Variants in SLC22A13 observed in about 807,000 individuals in gnomAD.
SLC22A13 encodes solute carrier family 22 member 13.
SLC22A13 carries 42 observed loss-of-function variants against 49.1 expected under a neutral mutation model. That is an observed-to-expected ratio of 0.85 (90% CI 0.67 to 1.11). The LOEUF is 1.11. Ranked by LOEUF, SLC22A13 falls within the 50% of genes least tolerant of loss-of-function variation. SLC22A13 has a pLI of 0.00. For synonymous variants in SLC22A13, 282 were observed against 293.1 expected (o/e 0.96, Z 0.39); for missense variants, 694 against 712.8 (o/e 0.97, Z 0.30).
At chr3:38,270,727 A>G (rs1323966286) in intron 1 of SLC22A13, 1 of 168,206 alleles carries the variant, frequency 5.9e-6, no homozygotes, top group Non-Finnish European at 1.3e-5. Context: ...TGTTTTACCA[A>G]TGGCATCATT....
Position 38,276,304 on chromosome 3 carries a change from A to T in SLC22A13, c.1255A>T (p.Thr419Ser). 6.2e-7 allele frequency: 1 copy of T among 1,613,276 alleles called. No homozygotes were observed. Among genetic ancestry groups the T allele is most frequent in the Non-Finnish European group, 8.5e-7 (1 of 1,179,546 alleles). Residue 419 changes from threonine to serine, a missense_variant, in exon 8 of 10, where the codon ACC (threonine) becomes TCC (serine). Thr to Ser is a moderately conservative substitution (Grantham distance 58, BLOSUM62 1). Coordinates refer to ENST00000311856, the MANE Select transcript of SLC22A13 (RefSeq NM_004256.4). ...FIPADLPVVV[T>S]MLAVVGKMAT... ...TCTGCCAGATCTGCCCGTGGTGGTC[A>T]CCATGCTGGCTGTGGTGGGGAAGAT...
Position 38,276,835 on chromosome 3 carries a change from C to G in SLC22A13, c.1347-77C>G, listed in dbSNP as rs552295721. On this transcript the variant is annotated intron_variant, in intron 8 of 9. Transcript: ENST00000311856. ...CAGACCTTTGAGGTCTGGACTCTCC[C>G]GAGGAAATATACTAGGGTGAAGCTG... 222 of 1,324,462 alleles carry G rather than the reference C, an allele frequency of 1.7e-4. No homozygotes were observed. In the African/African-American group the frequency reaches 3.0e-3, roughly 18 times the overall value. The allele number at this position is 1,324,462 out of a possible 1,614,324, so 82.0% of individuals were successfully genotyped here. A position where few individuals can be genotyped will look rare whatever the true frequency, so the allele number is the denominator to read the frequency against.
chr3:38,272,909 G>A (rs1020612569), intron 1 of SLC22A13, among the ~76,000 whole-genome samples: 1 of 152,176 alleles, frequency 6.6e-6, no homozygotes, highest in Non-Finnish European at 1.5e-5. Context: ...TAGGGCAAGA[G>A]AGATGTCTCA....
rs766603165 is a variant in SLC22A13, at chr3:38,276,320, T to G, written c.1271T>G (p.Val424Gly). The G allele has an allele frequency of 1.9e-6, 3 of 1,613,542 alleles. No homozygotes were observed. The highest frequency in any genetic ancestry group is 2.7e-5 in the African/African-American group (2 of 74,898). The change falls in exon 8 of 10, where the codon GTG (valine) becomes GGG (glycine). Residue 424 changes from valine to glycine, a missense_variant. By Grantham distance (109) the Val-to-Gly change is moderately radical. Coordinates refer to ENST00000311856, the MANE Select transcript of SLC22A13 (RefSeq NM_004256.4). ...GTGGTGGTCACCATGCTGGCTGTGG[T>G]GGGGAAGATGGCCACAGCTGCTGCC... Reference protein sequence around the residue: ...LPVVVTMLAVVGKMATAAAFT... With the variant: ...LPVVVTMLAVGGKMATAAAFT...
chr3:38,275,904 T>C lies in SLC22A13; in HGVS notation c.1045T>C (p.Tyr349His), dbSNP rs536112079. ...TAGGTTTGTGGACAGTCTGGGGTAC[T>C]ACGGCCTGAGCCTCCAAGTGGGGGA... ...CVWFVDSLGYYGLSLQVGDFG... is the reference protein window; with the variant it reads ...CVWFVDSLGYHGLSLQVGDFG... The change falls in exon 7 of 10, where the codon TAC (tyrosine) becomes CAC (histidine). Residue 349 changes from tyrosine (Y) to histidine (H), a missense_variant. By Grantham distance (83) the Tyr-to-His change is moderately conservative. Coordinates refer to ENST00000311856, the MANE Select transcript of SLC22A13 (RefSeq NM_004256.4). 8 of 1,614,238 alleles carry C rather than the reference T, an allele frequency of 5.0e-6. No individual in the cohort carries two copies. The South Asian group carries it at 6.6e-5, about 13-fold the overall frequency.
chr3:38,272,665 G>A (rs532210965), intron 1 of SLC22A13, among the ~76,000 whole-genome samples: 1 of 152,270 alleles, frequency 6.6e-6, no homozygotes, highest in Non-Finnish European at 1.5e-5. Context: ...TCATTCCCAG[G>A]GGCAATCAGT....
intron 1 of SLC22A13, among the ~76,000 whole-genome samples, chr3:38,266,555 C>T (rs548933996): frequency 6.6e-6 from 1 of 152,248 alleles, no homozygotes; most frequent in South Asian, 2.1e-4. Context: ...TATCTTTGTG[C>T]CTTTCTCTCT....
chr3:38,270,650 A>G (rs184840608), intron 1 of SLC22A13: 27 of 167,104 alleles, frequency 1.6e-4, no homozygotes, highest in African/African-American at 6.2e-4. Context: ...AACCATGACC[A>G]CATAGTTGTT....
Position 38,266,163 on chromosome 3 carries a change from C to G in SLC22A13, c.303C>G (p.His101Gln). ...CCAGCCTGCAGGACATCCTCAGCCA[C>G]CGCTTCAATGAGACGCAGCCTTGTG... Reference protein sequence around the residue: ...ANASLQDILSHRFNETQPCDM... With the variant: ...ANASLQDILSQRFNETQPCDM... Residue 101 changes from histidine (H) to glutamine (Q), a missense_variant, in exon 1 of 10, where the codon CAC (histidine) becomes CAG (glutamine). His to Gln is a conservative substitution (Grantham distance 24). Transcript: ENST00000311856. The G allele has an allele frequency of 6.2e-7, 1 of 1,614,222 alleles. No individual in the cohort carries two copies. The highest frequency in any genetic ancestry group is 2.2e-5 in the East Asian group (1 of 44,882).
chr3:38,276,094 C>A lies in SLC22A13; in HGVS notation c.1235C>A (p.Ala412Glu). 1 of 1,612,580 alleles carries A rather than the reference C, an allele frequency of 6.2e-7. No homozygotes were observed. Among genetic ancestry groups the A allele is most frequent in the Non-Finnish European group, 8.5e-7 (1 of 1,179,112 alleles). ...LMCIIIIFIP[A>E]DLPVVVTMLA... The stretch of plus-strand genomic sequence containing the variant: ...TGTATCATCATCATCTTCATCCCAG[C>A]AGGTATCAGGGCTGGCTATCCCTCA... Residue 412 changes from alanine to glutamate, a missense_variant and splice_region_variant, in exon 7 of 10, where the codon GCA becomes GAA. Transcript: ENST00000311856.
chr3:38,276,805 C>A, intron 8 of SLC22A13, 107 bp from the exon 9 acceptor site: 1 of 951,922 alleles, frequency 1.1e-6, no homozygotes, highest in Non-Finnish European at 1.6e-6. Flanking sequence ...AGGCTGGAGA[C>A]CCTGCAGACC....
Position 38,275,584 on chromosome 3 carries a change from C to T in SLC22A13, c.934C>T (p.Pro312Ser). The change falls in exon 6 of 10, where the codon CCA (proline) becomes TCA (serine). Residue 312 changes from proline (P) to serine (S), a missense_variant. Physicochemically the swap from Pro to Ser is moderately conservative, Grantham distance 74. Transcript: ENST00000311856. ...CTCTGCTTCTTCCTCCCAGCTGGTC[C>T]CAGAGAAGACAGGCCCCTCAGGGAA... ...LSPELMNQLV[P>S]EKTGPSGNAL... The T allele has an allele frequency of 6.2e-7, 1 of 1,614,138 alleles. No homozygotes were observed.
At chr3:38,275,856 G>A (rs768461164) in intron 6 of SLC22A13, 26 bp from the exon 7 acceptor site, 1 of 1,605,316 alleles carries the variant, frequency 6.2e-7, no homozygotes, top group African/African-American at 1.3e-5. Flanking sequence ...ACCCAGCAGT[G>A]ACAGGAACCC....
chr3:38,277,005 C>T lies in SLC22A13; in HGVS notation c.1440C>T (p.Leu480=). The T allele has an allele frequency of 1.2e-6, 2 of 1,611,188 alleles. No homozygotes were observed. Among genetic ancestry groups the T allele is most frequent in the Non-Finnish European group, 1.7e-6 (2 of 1,178,782 alleles). ...TGCTGGGAGAGTACCACGCTGCCCT[C>T]CCCATGCTCATCTACGGCAGCCTCC... ...VILLGEYHAA[L]PMLIYGSLPI... Residue 480 remains leucine (L), a synonymous_variant, in exon 9 of 10, where the codon CTC becomes CTT. Transcript: ENST00000311856.
chr3:38,274,806 G>A, intron 3 of SLC22A13, 48 bp downstream of exon 3: 1 of 1,574,798 alleles, frequency 6.4e-7, no homozygotes, highest in South Asian at 1.2e-5. Context: ...GAGGCCCAGG[G>A]GCCTGGGAGG....
Position 38,269,938 on chromosome 3 carries a change from A to G in SLC22A13, c.378+3700A>G, listed in dbSNP as rs1026473893. On this transcript the variant is annotated intron_variant, in intron 1 of 9. Coordinates refer to ENST00000311856, the MANE Select transcript of SLC22A13 (RefSeq NM_004256.4). ...TGTGTCCATGTGTTCTCATTGTTCA[A>G]TTCCCACCTATGAGTGAGAATATAC... is the stretch of plus-strand genomic sequence containing the variant. Among the ~76,000 whole-genome samples, 157 of 137,518 alleles carry G rather than the reference A, an allele frequency of 1.1e-3. 3 individuals are homozygous for G. In the Admixed American group the frequency reaches 0.012, roughly 10 times the overall value. The allele number at this position is 137,518 out of a possible 152,430, so 90.2% of individuals were successfully genotyped here. A position where few individuals can be genotyped will look rare whatever the true frequency, so the allele number is the denominator to read the frequency against.
At chr3:38,267,352 C>T (rs1703474360) in intron 1 of SLC22A13, among the ~76,000 whole-genome samples, 2 of 150,042 alleles carry the variant, frequency 1.3e-5, no homozygotes, top group African/African-American at 4.9e-5. Flanking sequence ...TCTAGGGAGC[C>T]TGTGCATGCT....
chr3:38,269,542 G>A (rs1017455844), intron 1 of SLC22A13, among the ~76,000 whole-genome samples: 8 of 152,152 alleles, frequency 5.3e-5, no homozygotes, highest in African/African-American at 1.9e-4. Context: ...ACAGGTGTGA[G>A]CCACCGCGCC....
At chr3:38,266,341 C>A in intron 1 of SLC22A13, 103 bp downstream of exon 1, 1 of 1,348,550 alleles carries the variant, frequency 7.4e-7, no homozygotes, top group Non-Finnish European at 1.0e-6. Flanking sequence ...GCCCCATGCC[C>A]ATATGGTCAA....
Sources: gnomAD v4.1 joint callset for allele counts (sites outside exome capture counted in the v4.1 genomes callset) on GRCh38, gnomAD v4.1.1 for gene constraint, MANE v1.5 for transcripts, NCBI Gene and HGNC (gene_info 2026-07-23, HGNC 2026-07-21) for gene names.